Variants in PIBF1 observed in about 807,000 individuals in gnomAD.
PIBF1 encodes progesterone-induced-blocking factor 1.
PIBF1 carries 90 observed loss-of-function variants against 112.5 expected under a neutral mutation model. The ratio of observed to expected loss-of-function variants is 0.80; its 90% CI spans 0.67 to 0.95. PIBF1 has a LOEUF of 0.95. Among genes scored for constraint, PIBF1 ranks in the 40% least tolerant of loss-of-function variants. The pLI is 0.00. For missense variants in PIBF1, 915 were observed against 852.3 expected (o/e 1.07, Z -0.92); for synonymous variants, 301 against 288.6 (o/e 1.04, Z -0.44).
chr13:72,985,514 A>G (rs1212659348), intron 16 of PIBF1, among the ~76,000 whole-genome samples: 1 of 152,098 alleles, frequency 6.6e-6, no homozygotes, highest in Admixed American at 6.5e-5. Context: ...ACTGCACTCC[A>G]GCGTGGGCAA....
chr13:73,009,939 G>C (rs1330550456), intron 17 of PIBF1, among the ~76,000 whole-genome samples: 1 of 152,172 alleles, frequency 6.6e-6, no homozygotes, highest in Non-Finnish European at 1.5e-5. Flanking sequence ...TGAGTATTAA[G>C]ATTCCTTTTT....
At chr13:72,892,818 A>ACACACG (rs2040112262) in intron 10 of PIBF1, among the ~76,000 whole-genome samples, 1 of 146,914 alleles carries the variant, frequency 6.8e-6, no homozygotes, top group Admixed American at 6.8e-5. Flanking sequence ...ACGCACACGC[A>ACACACG]CACACACCCC....
At chr13:72,845,268 G>A (rs187807686) in intron 9 of PIBF1, among the ~76,000 whole-genome samples, 1 of 152,188 alleles carries the variant, frequency 6.6e-6, no homozygotes, top group East Asian at 1.9e-4. Context: ...TGTTTGCTGA[G>A]GATGATGGTT....
In PIBF1 at chr13:72,956,550, A is replaced by G. The variant is rs990126633; in HGVS notation, c.1834-8724A>G. ...GCATTTTCTTCTCAGAGCCTATACA[A>G]TTTGATCTATCTGTGGCATGGCATT... On this transcript the variant is annotated intron_variant, in intron 14 of 17. Transcript: ENST00000326291. Among the ~76,000 whole-genome samples the G allele has an allele frequency of 3.9e-5, 6 of 152,252 alleles. No individual in the cohort carries two copies. In the South Asian group the frequency reaches 6.2e-4, roughly 16 times the overall value.
intron 5 of PIBF1, among the ~76,000 whole-genome samples, chr13:72,816,217 ACT>A (rs2036267649): frequency 6.6e-6 from 1 of 152,212 alleles, no homozygotes; most frequent in South Asian, 2.1e-4. Flanking sequence ...TAGTATACAC[ACT>A]CTGCAGAAGC....
chr13:72,809,455 A>G (rs542843290), intron 5 of PIBF1, among the ~76,000 whole-genome samples: 2 of 152,050 alleles, frequency 1.3e-5, no homozygotes, highest in South Asian at 2.1e-4. Context: ...AAAACCAAAA[A>G]CATTCAGGGT....
chr13:72,797,316 A>G (rs1231500516), intron 4 of PIBF1, among the ~76,000 whole-genome samples: 3 of 152,196 alleles, frequency 2.0e-5, no homozygotes, highest in Admixed American at 6.5e-5. Flanking sequence ...AAACCAGACA[A>G]AAATCCCTGC....
At chr13:72,994,112 CA>C (rs780677499) in intron 16 of PIBF1, among the ~76,000 whole-genome samples, 11 of 100,224 alleles carry the variant, frequency 1.1e-4, no homozygotes, top group East Asian at 1.1e-3. Flanking sequence ...GAACCTGTCT[CA>C]AAAAAAAAAG....
At chr13:72,801,052 T>C (rs2035446422) in intron 5 of PIBF1, among the ~76,000 whole-genome samples, 1 of 152,186 alleles carries the variant, frequency 6.6e-6, no homozygotes, top group Non-Finnish European at 1.5e-5. Context: ...CTTTGGTATT[T>C]GTGGAACAGT....
chr13:72,823,205 A>G (rs758034735), intron 6 of PIBF1, among the ~76,000 whole-genome samples: 17 of 152,216 alleles, frequency 1.1e-4, no homozygotes, highest in South Asian at 2.1e-4. Context: ...GCAATGACAG[A>G]TACAATATAA....
chr13:72,906,701 G>A (rs529464718), intron 11 of PIBF1, among the ~76,000 whole-genome samples: 18 of 152,050 alleles, frequency 1.2e-4, no homozygotes, highest in Non-Finnish European at 1.8e-4. Flanking sequence ...CTCTCGTAAT[G>A]GTTTTTAAAT....
Position 72,973,512 on chromosome 13 carries a change from A to G in PIBF1, c.1965-79A>G, listed in dbSNP as rs149505766. The stretch of plus-strand genomic sequence containing the variant: ...AGTTCAAACCATCAGATTCATGTTT[A>G]TTCTTTTAATATTTACCATTTATTA... On this transcript the variant is annotated intron_variant, in intron 15 of 17. Coordinates refer to ENST00000326291, the MANE Select transcript of PIBF1 (RefSeq NM_006346.4). The G allele has an allele frequency of 2.0e-3, 1,399 of 688,926 alleles. 17 individuals carry two copies. In the African/African-American group the frequency reaches 0.025, roughly 12 times the overall value. 42.7% of individuals were successfully genotyped at this position (688,926 alleles called of 1,614,324 possible).
chr13:72,921,018 C>G (rs2041267725), intron 13 of PIBF1, among the ~76,000 whole-genome samples: 1 of 152,078 alleles, frequency 6.6e-6, no homozygotes, highest in South Asian at 2.1e-4. Flanking sequence ...GTTCAACAAC[C>G]AGAATTAGAT....
intron 10 of PIBF1, among the ~76,000 whole-genome samples, chr13:72,875,929 C>G (rs994616718): frequency 6.6e-6 from 1 of 152,048 alleles, no homozygotes; most frequent in Non-Finnish European, 1.5e-5. Flanking sequence ...AGTGCAGAAA[C>G]TTTTAACTTT....
chr13:72,946,487 A>C (rs1158671552), intron 14 of PIBF1, among the ~76,000 whole-genome samples: 1 of 152,154 alleles, frequency 6.6e-6, no homozygotes, highest in Non-Finnish European at 1.5e-5. Flanking sequence ...AAACACAATC[A>C]TGCCTTTCCA....
intron 4 of PIBF1, among the ~76,000 whole-genome samples, chr13:72,796,307 G>C (rs1454405499): frequency 6.6e-6 from 1 of 152,106 alleles, no homozygotes; most frequent in Non-Finnish European, 1.5e-5. Flanking sequence ...TTCCCTGAAA[G>C]GATCTCAGAG....
intron 14 of PIBF1, among the ~76,000 whole-genome samples, chr13:72,950,524 T>C (rs762806383): frequency 1.3e-5 from 2 of 152,226 alleles, no homozygotes; most frequent in Non-Finnish European, 2.9e-5. Flanking sequence ...ATTTATGGCT[T>C]TTTATACACA....
intron 15 of PIBF1, among the ~76,000 whole-genome samples, chr13:72,969,369 T>G (rs2042831831): frequency 6.6e-6 from 1 of 152,222 alleles, no homozygotes. Context: ...GTACTAAACA[T>G]GAGTCCTTTA....
chr13:72,920,078 A>G (rs1293530276), intron 13 of PIBF1, among the ~76,000 whole-genome samples: 2 of 152,234 alleles, frequency 1.3e-5, no homozygotes, highest in African/African-American at 4.8e-5. Context: ...TTGCTGTTGC[A>G]CATTACTATT....
Sources: gnomAD v4.1 joint callset for allele counts (sites outside exome capture counted in the v4.1 genomes callset) on GRCh38, gnomAD v4.1.1 for gene constraint, MANE v1.5 for transcripts, NCBI Gene and HGNC (gene_info 2026-07-23, HGNC 2026-07-21) for gene names.